The following GRM8 variants were observed in gnomAD, a reference collection of about 807,000 sequenced individuals.
GRM8 encodes glutamate metabotropic receptor 8.
GRM8 carries 47 observed loss-of-function variants against 87.2 expected under a neutral mutation model. The ratio of observed to expected loss-of-function variants is 0.54; its 90% CI spans 0.43 to 0.69. GRM8 has a LOEUF of 0.69. Ranked by LOEUF, GRM8 falls within the 30% of genes least tolerant of loss-of-function variation. The pLI, the probability that GRM8 is intolerant of heterozygous loss-of-function variation, is 0.00. For synonymous variants in GRM8, 396 were observed against 404.5 expected, an observed-to-expected ratio of 0.98 and a Z score of 0.25; for missense variants, 1,019 against 1,139.2, an observed-to-expected ratio of 0.89 and a Z score of 1.52.
At chr7:126,483,610 G>T (rs1806987635) in intron 9 of GRM8, among the ~76,000 whole-genome samples, 1 of 150,690 alleles carries the variant, frequency 6.6e-6, no homozygotes, top group African/African-American at 2.4e-5. Context: ...ATATAAACTT[G>T]TTATCTGTTA....
intron 10 of GRM8, among the ~76,000 whole-genome samples, chr7:126,439,825 AGT>A (rs57638512): frequency 0.035 from 4,936 of 142,616 alleles, 245 homozygotes; most frequent in African/African-American, 0.11. Flanking sequence ...GGCCTAGGCT[AGT>A]GTGTGTGTGT....
chr7:126,564,125 A>G (rs1370575717), intron 8 of GRM8, among the ~76,000 whole-genome samples: 1 of 152,250 alleles, frequency 6.6e-6, no homozygotes, highest in African/African-American at 2.4e-5. Context: ...TGAAAGTCAG[A>G]TGATGGGCAG....
intron 3 of GRM8, chr7:127,080,840 G>C (rs1291784283): frequency 6.6e-6 from 1 of 152,192 alleles, no homozygotes; most frequent in Non-Finnish European, 1.5e-5. Context: ...TTTGTTTGCA[G>C]AGGGACACAA....
At chr7:127,223,477 ACACACACAC>A (rs1322171860) in intron 2 of GRM8, among the ~76,000 whole-genome samples, 20 of 140,748 alleles carry the variant, frequency 1.4e-4, no homozygotes, top group African/African-American at 5.1e-4. Flanking sequence ...ACACACACAC[ACACACACAC>A]AAAACTGTGG....
intron 2 of GRM8, among the ~76,000 whole-genome samples, chr7:127,133,630 C>T (rs1827803441): frequency 6.8e-6 from 1 of 146,858 alleles, no homozygotes; most frequent in African/African-American, 2.5e-5. Context: ...GGCACGAACC[C>T]GGGAGGCGGA....
intron 7 of GRM8, among the ~76,000 whole-genome samples, chr7:126,660,198 C>T (rs1804998525): frequency 6.6e-6 from 1 of 152,164 alleles, no homozygotes. Context: ...GAAGCCATTC[C>T]TAACACTGAC....
chr7:126,904,209 G>A, intron 4 of GRM8, 83 bp from the exon 5 acceptor site: 1 of 1,133,516 alleles, frequency 8.8e-7, no homozygotes, highest in East Asian at 2.4e-5. Context: ...GATTTAGGAA[G>A]TTGTATACAC....
intron 2 of GRM8, among the ~76,000 whole-genome samples, chr7:127,150,103 C>T (rs1268488538): frequency 3.3e-5 from 5 of 151,932 alleles, no homozygotes; most frequent in African/African-American, 1.2e-4. Context: ...TTTTACTATC[C>T]ACATGTATCC....
At chr7:126,899,518 A>G (rs1361970) in intron 6 of GRM8, among the ~76,000 whole-genome samples, 116,375 of 152,054 alleles carry the variant, frequency 0.77, 44,814 homozygotes, top group East Asian at 0.97. Flanking sequence ...TTTACAATGT[A>G]AACTTACATA....
intron 9 of GRM8, among the ~76,000 whole-genome samples, chr7:126,452,138 C>A (rs1317036332): frequency 6.6e-6 from 1 of 151,516 alleles, no homozygotes; most frequent in Non-Finnish European, 1.5e-5. Context: ...TTTGTAGGGA[C>A]ATGGATGAAG....
intron 6 of GRM8, among the ~76,000 whole-genome samples, chr7:126,838,905 T>C (rs1320620696): frequency 6.6e-6 from 1 of 152,160 alleles, no homozygotes; most frequent in Non-Finnish European, 1.5e-5. Flanking sequence ...ACTATTCAGG[T>C]GTACGCTTTG....
intron 8 of GRM8, among the ~76,000 whole-genome samples, chr7:126,554,206 A>AT (rs201102671): frequency 0.011 from 1,709 of 152,098 alleles, 41 homozygotes; most frequent in African/African-American, 0.039. Context: ...CAGACATAAG[A>AT]TTTTTTTAAA....
intron 7 of GRM8, among the ~76,000 whole-genome samples, chr7:126,747,510 C>A: frequency 6.6e-6 from 1 of 151,874 alleles, no homozygotes; most frequent in East Asian, 1.9e-4. Context: ...AGAATATAAG[C>A]CTAGTAACAC....
intron 8 of GRM8, among the ~76,000 whole-genome samples, chr7:126,585,835 A>G (rs1796063032): frequency 6.6e-6 from 1 of 152,198 alleles, no homozygotes; most frequent in Non-Finnish European, 1.5e-5. Context: ...GGCCAGGGTA[A>G]TCAGGCAGGA....
chr7:127,077,710 A>T (rs569396128), intron 3 of GRM8, among the ~76,000 whole-genome samples: 48 of 151,894 alleles, frequency 3.2e-4, no homozygotes, highest in Non-Finnish European at 5.7e-4. Context: ...CCAGGTAACA[A>T]CCCCCTTGGT....
At chr7:127,112,009 A>G (rs1826391351) in intron 2 of GRM8, among the ~76,000 whole-genome samples, 1 of 130,368 alleles carries the variant, frequency 7.7e-6, no homozygotes, top group African/African-American at 3.1e-5. Flanking sequence ...GGGCACCAAG[A>G]GCAAAACTCT....
At chr7:126,899,879 C>A (rs892645976) in intron 6 of GRM8, among the ~76,000 whole-genome samples, 1 of 151,958 alleles carries the variant, frequency 6.6e-6, no homozygotes, top group Non-Finnish European at 1.5e-5. Context: ...CTATTCTGTT[C>A]TCTCTCAACC....
At chr7:127,205,920 T>A (rs142606423) in intron 2 of GRM8, among the ~76,000 whole-genome samples, 16 of 152,172 alleles carry the variant, frequency 1.1e-4, no homozygotes, top group African/African-American at 3.9e-4. Flanking sequence ...GAAGCAGAAA[T>A]GTATATGACC....
chr7:127,062,386 A>G (rs1440321496), intron 3 of GRM8, among the ~76,000 whole-genome samples: 1 of 152,198 alleles, frequency 6.6e-6, no homozygotes, highest in Non-Finnish European at 1.5e-5. Flanking sequence ...GAATGGTGTA[A>G]TAAAAGCAGC....
Sources: allele counts gnomAD v4.1 joint callset (sites outside exome capture counted in the v4.1 genomes callset), GRCh38; gene constraint gnomAD v4.1.1; transcripts MANE v1.5; gene names NCBI Gene and HGNC (gene_info 2026-07-23, HGNC 2026-07-21).